The following FBXO42 variants were observed in gnomAD, a reference collection of about 807,000 sequenced individuals.
FBXO42 encodes F-box only protein 42.
In FBXO42, 12 loss-of-function variants were observed where a neutral mutation model predicts 71.7. The ratio of observed to expected loss-of-function variants is 0.17; its 90% confidence interval spans 0.11 to 0.27. The LOEUF (loss-of-function observed/expected upper bound fraction) is 0.27, where lower values mean the gene tolerates loss of function less well. Among genes scored for constraint, FBXO42 ranks in the 10% least tolerant of loss-of-function variants. The pLI is 1.00. For synonymous variants in FBXO42, 325 were observed against 327.5 expected (o/e 0.99, Z 0.08); for missense variants, 707 against 911.9 (o/e 0.78, Z 2.89).
chr1:16,347,689 T>C (rs1330692413), intron 1 of FBXO42, among the ~76,000 whole-genome samples: 2 of 152,028 alleles, frequency 1.3e-5, no homozygotes, highest in African/African-American at 4.8e-5. Context: ...ACCCCATCTT[T>C]ACTAAAAATA....
intron 4 of FBXO42, among the ~76,000 whole-genome samples, chr1:16,284,281 A>G (rs967886042): frequency 6.6e-6 from 1 of 152,176 alleles, no homozygotes; most frequent in Admixed American, 6.6e-5. Context: ...ATTTTACCTG[A>G]GTCATAAAGC....
chr1:16,329,222 G>A (rs1041861288), intron 1 of FBXO42, among the ~76,000 whole-genome samples: 1 of 150,242 alleles, frequency 6.7e-6, no homozygotes, highest in Non-Finnish European at 1.5e-5. Flanking sequence ...AAAGGAGGCA[G>A]ATGAAAGAGC....
chr1:16,324,960 G>C (rs1245341033), intron 1 of FBXO42, among the ~76,000 whole-genome samples: 1 of 151,992 alleles, frequency 6.6e-6, no homozygotes, highest in Non-Finnish European at 1.5e-5. Flanking sequence ...CTTTAGAGCT[G>C]GGTGCAGTGG....
At chr1:16,285,041 G>A (rs1345180097) in intron 4 of FBXO42, among the ~76,000 whole-genome samples, 1 of 151,686 alleles carries the variant, frequency 6.6e-6, no homozygotes, top group Non-Finnish European at 1.5e-5. Context: ...AGCTACTCAG[G>A]AGGCTGAGGC....
rs76723736 is a variant in FBXO42, at chr1:16,319,563, C to T, written c.-17-4128G>A. On this transcript the variant is annotated intron_variant, in intron 1 of 9. Coordinates refer to ENST00000375592, the MANE Select transcript of FBXO42 (RefSeq NM_018994.3). ...ACAGTGAGAAAGGAGCAATTCCCTT[C>T]ATTCCCCAAAAGCAGAGAAGAGTAT... Among the ~76,000 whole-genome samples, 906 of 152,272 alleles carry T rather than the reference C, an allele frequency of 5.9e-3. 7 individuals are homozygous for T. Among genetic ancestry groups the T allele is most frequent in the African/African-American group, 0.021 (870 of 41,558 alleles).
At chr1:16,311,502 AAATATATAT>A (rs1343188113) in intron 2 of FBXO42, among the ~76,000 whole-genome samples, 4 of 68,668 alleles carry the variant, frequency 5.8e-5, no homozygotes, top group African/African-American at 2.4e-4. Context: ...AAAAAAAAAA[AAATATATAT>A]ATATATATAT....
Position 16,321,195 on chromosome 1 carries a change from C to CCAT in FBXO42, c.-17-5763_-17-5761dup, listed in dbSNP as rs553015360. On this transcript the variant is annotated intron_variant, in intron 1 of 9. Transcript: ENST00000375592. Reference sequence around the variant, plus strand: ...ACACCCTCCACAAAAACATCAAACCCCATACCTTTGAGGGCATGTTTGCTA... The same window carrying CCAT: ...ACACCCTCCACAAAAACATCAAACCCCATCATACCTTTGAGGGCATGTTTGCTA... Among the ~76,000 whole-genome samples, 3 of 152,306 alleles carry CCAT rather than the reference C, an allele frequency of 2.0e-5. No homozygotes were observed. The South Asian group carries it at 6.2e-4, about 32-fold the overall frequency.
chr1:16,283,117 T>A (rs1466116462), intron 4 of FBXO42, among the ~76,000 whole-genome samples: 3 of 152,144 alleles, frequency 2.0e-5, no homozygotes, highest in Non-Finnish European at 4.4e-5. Context: ...GTTATCCAAT[T>A]TTTATGAACA....
intron 1 of FBXO42, among the ~76,000 whole-genome samples, chr1:16,350,676 G>A (rs928193414): frequency 6.8e-6 from 1 of 147,888 alleles, no homozygotes; most frequent in Admixed American, 6.9e-5. Flanking sequence ...AAACCCAGGG[G>A]ATGGAGATTG....
intron 1 of FBXO42, among the ~76,000 whole-genome samples, chr1:16,343,123 T>C (rs1358468746): frequency 6.6e-6 from 1 of 152,210 alleles, no homozygotes; most frequent in Non-Finnish European, 1.5e-5. Context: ...TACTCTACCA[T>C]CTTTTGCCCT....
intron 1 of FBXO42, among the ~76,000 whole-genome samples, chr1:16,331,139 C>T (rs1242384539): frequency 6.6e-6 from 1 of 151,466 alleles, no homozygotes. Context: ...ATAGGCTGGG[C>T]ATGGTGGCTC....
At chr1:16,327,440 T>TTTTAATCGTGGTACTGTCA (rs1287024461) in intron 1 of FBXO42, among the ~76,000 whole-genome samples, 1 of 152,180 alleles carries the variant, frequency 6.6e-6, no homozygotes, top group Non-Finnish European at 1.5e-5. Flanking sequence ...GAAGCCTAGC[T>TTTTAATCGTGGTACTGTCA]GAAAAACCAA....
At chr1:16,262,150 T>C (rs1569820606) in intron 4 of FBXO42, among the ~76,000 whole-genome samples, 1 of 152,234 alleles carries the variant, frequency 6.6e-6, no homozygotes, top group East Asian at 1.9e-4. Context: ...ACTTCCATTA[T>C]TTCTAAAAAT....
At position 16,328,258 on chromosome 1, in the gene FBXO42, C is replaced by A. The variant is rs74491072; in HGVS notation, c.-17-12823G>T. On this transcript the variant is annotated intron_variant, in intron 1 of 9. Transcript: ENST00000375592. ...CCAACTATATTACAAATATATGAGA[C>A]CACCTTGGGTGGAGGAAAAGGTGTA... Among the ~76,000 whole-genome samples the A allele has an allele frequency of 6.4e-3, 976 of 152,156 alleles. 6 individuals carry two copies. The highest frequency in any genetic ancestry group is 0.023 in the African/African-American group (935 of 41,504).
At chr1:16,319,536 T>G (rs1018589550) in intron 1 of FBXO42, among the ~76,000 whole-genome samples, 20 of 152,166 alleles carry the variant, frequency 1.3e-4, no homozygotes, top group Admixed American at 2.0e-4. Context: ...GGAAAGGCAC[T>G]GACAGTGAGA....
At chr1:16,262,899 C>T (rs1305646148) in intron 4 of FBXO42, among the ~76,000 whole-genome samples, 1 of 151,880 alleles carries the variant, frequency 6.6e-6, no homozygotes, top group East Asian at 2.0e-4. Context: ...TTAGTAGAGA[C>T]AGCATTTCAC....
intron 1 of FBXO42, among the ~76,000 whole-genome samples, chr1:16,325,654 CT>C (rs956030858): frequency 4.0e-5 from 6 of 151,586 alleles, no homozygotes; most frequent in Non-Finnish European, 7.4e-5. Flanking sequence ...AATATACTTT[CT>C]TTTTTTTGTT....
At chr1:16,298,155 G>C (rs2082151726) in intron 3 of FBXO42, among the ~76,000 whole-genome samples, 1 of 152,106 alleles carries the variant, frequency 6.6e-6, no homozygotes, top group South Asian at 2.1e-4. Flanking sequence ...GAACCCGGGA[G>C]GTGGAGGTTG....
At chr1:16,342,587 A>C (rs1243280215) in intron 1 of FBXO42, among the ~76,000 whole-genome samples, 1 of 151,220 alleles carries the variant, frequency 6.6e-6, no homozygotes, top group Non-Finnish European at 1.5e-5. Flanking sequence ...GTCTCAAAAA[A>C]AAAAAAAAAA....
Sources: gnomAD v4.1 joint callset for allele counts (sites outside exome capture counted in the v4.1 genomes callset) on GRCh38, gnomAD v4.1.1 for gene constraint, MANE v1.5 for transcripts, NCBI Gene and HGNC (gene_info 2026-07-23, HGNC 2026-07-21) for gene names.